GPM6A: variants seen among roughly 807,000 people sequenced by gnomAD.
The protein encoded by GPM6A is glycoprotein M6A.
In GPM6A, 7 loss-of-function variants were observed where a neutral mutation model predicts 32.1. That is an observed-to-expected ratio of 0.22 (90% CI 0.12 to 0.41). The LOEUF is 0.41. Among genes scored for constraint, GPM6A ranks in the 10% least tolerant of loss-of-function variants. The pLI is 1.00. For synonymous variants in GPM6A, 130 were observed against 123.4 expected (o/e 1.05, Z -0.35); for missense variants, 235 against 347.2 (o/e 0.68, Z 2.57).
chr4:175,900,509 C>A (rs1453018921), intron 1 of GPM6A, among the ~76,000 whole-genome samples: 4 of 134,336 alleles, frequency 3.0e-5, no homozygotes, highest in Non-Finnish European at 6.5e-5. Flanking sequence ...AAAAAAAAAG[C>A]ATATGAAAAA....
intron 2 of GPM6A, among the ~76,000 whole-genome samples, chr4:175,680,174 C>T (rs909939862): frequency 1.3e-5 from 2 of 152,036 alleles, no homozygotes; most frequent in Non-Finnish European, 2.9e-5. Context: ...TATACATGTG[C>T]ACATGTAACT....
intron 1 of GPM6A, among the ~76,000 whole-genome samples, chr4:175,873,078 G>A (rs776731573): frequency 2.6e-4 from 39 of 151,998 alleles, no homozygotes; most frequent in Non-Finnish European, 4.3e-4. Flanking sequence ...GTCTGTGTGT[G>A]TTTTAGCTAT....
chr4:175,795,907 C>G (rs962589676), intron 1 of GPM6A: 1 of 152,380 alleles, frequency 6.6e-6, no homozygotes, highest in Non-Finnish European at 1.5e-5. Flanking sequence ...TGGTACAGGA[C>G]CAGGCCTGCA....
chr4:175,702,307 A>C (rs960279916), intron 1 of GPM6A, among the ~76,000 whole-genome samples: 5 of 152,156 alleles, frequency 3.3e-5, no homozygotes, highest in African/African-American at 1.2e-4. Flanking sequence ...TAAAATATTT[A>C]TGTTTTCTTT....
intron 1 of GPM6A, among the ~76,000 whole-genome samples, chr4:175,888,993 T>A (rs1005585915): frequency 2.2e-4 from 33 of 152,292 alleles, no homozygotes; most frequent in African/African-American, 7.2e-4. Context: ...AATAGATCCC[T>A]GTAGTTATAA....
chr4:175,641,656 T>C (rs1173778411), intron 4 of GPM6A: 1 of 152,220 alleles, frequency 6.6e-6, no homozygotes, highest in Non-Finnish European at 1.5e-5. Context: ...TTCTGCTCTT[T>C]AGTTGTTTTT....
chr4:175,783,621 A>C (rs759839716), intron 1 of GPM6A, among the ~76,000 whole-genome samples: 1 of 151,996 alleles, frequency 6.6e-6, no homozygotes, highest in Non-Finnish European at 1.5e-5. Flanking sequence ...AGTAAATGGA[A>C]TAAATGAATT....
intron 1 of GPM6A, among the ~76,000 whole-genome samples, chr4:175,799,148 G>C (rs1407591876): frequency 6.6e-6 from 1 of 151,916 alleles, no homozygotes; most frequent in Non-Finnish European, 1.5e-5. Flanking sequence ...TTCCAATCTT[G>C]TTTTCCTGCC....
chr4:175,685,975 C>T (rs1231657604), intron 2 of GPM6A, among the ~76,000 whole-genome samples: 1 of 151,958 alleles, frequency 6.6e-6, no homozygotes, highest in Non-Finnish European at 1.5e-5. Flanking sequence ...CAGGAATAGG[C>T]TTAGAAATAT....
chr4:175,643,380 C>T (rs1176898007), intron 4 of GPM6A, among the ~76,000 whole-genome samples: 1 of 152,146 alleles, frequency 6.6e-6, no homozygotes, highest in African/African-American at 2.4e-5. Flanking sequence ...TCATAGACTT[C>T]ATCTCAGTCT....
intron 3 of GPM6A, among the ~76,000 whole-genome samples, chr4:175,656,149 C>T (rs1008604595): frequency 2.6e-5 from 4 of 151,978 alleles, no homozygotes; most frequent in South Asian, 2.1e-4. Flanking sequence ...TAGTAAAATG[C>T]TGACTAAATC....
In GPM6A at chr4:175,936,890, CAAA is replaced by C. The variant is rs1040228229; in HGVS notation, c.-23+65416_-23+65418del. On this transcript the variant is annotated intron_variant, in intron 1 of 7. Coordinates refer to the GPM6A transcript ENST00000280187. ...TAATAAAATAAGGAAACAATATAAA[CAAA>C]GAAGTCACAAAAAATAAAAATGTCC... Among the ~76,000 whole-genome samples the C allele has an allele frequency of 3.0e-3, 460 of 151,890 alleles. 5 individuals carry two copies. The highest frequency in any genetic ancestry group is 0.011 in the African/African-American group (449 of 41,446).
At position 175,802,487 on chromosome 4, in the gene GPM6A, A is replaced by G. The variant is rs953700640; in HGVS notation, c.37+9704T>C. Among the ~76,000 whole-genome samples, 3 of 152,130 alleles carry G rather than the reference A, an allele frequency of 2.0e-5. No homozygotes were observed. In the East Asian group the frequency reaches 5.8e-4, roughly 29 times the overall value. On this transcript the variant is annotated intron_variant, in intron 1 of 6. Transcript: ENST00000393658. ...GCCAATTGTGTGAGACTATATACCA[A>G]TTAAAATACAAAAACTAAAATAAAG...
In GPM6A at chr4:175,751,754, T is replaced by TTG. The variant is rs1553985553; in HGVS notation, c.38-49988_38-49987insCA. On this transcript the variant is annotated intron_variant, in intron 1 of 6. Transcript: ENST00000393658. ...GTCACACGATGCACCTGTTTTTTTT[T>TTG]TTGTTGTTGTTGTTTGTTTTTTGGT... Among the ~76,000 whole-genome samples the TTG allele has an allele frequency of 4.3e-3, 658 of 152,086 alleles. 3 individuals are homozygous for TTG. The highest frequency in any genetic ancestry group is 6.9e-3 in the Non-Finnish European group (467 of 67,960).
intron 1 of GPM6A, among the ~76,000 whole-genome samples, chr4:175,897,882 CTT>C (rs1483657716): frequency 1.3e-5 from 2 of 152,138 alleles, no homozygotes; most frequent in African/African-American, 4.8e-5. Flanking sequence ...TAAAAATTGA[CTT>C]TACTTAAATT....
intron 1 of GPM6A, among the ~76,000 whole-genome samples, chr4:175,728,256 C>A (rs1385231086): frequency 2.6e-5 from 4 of 151,904 alleles, no homozygotes; most frequent in African/African-American, 9.7e-5. Context: ...CAAAGAGAAA[C>A]AATGAAGTCT....
intron 2 of GPM6A, among the ~76,000 whole-genome samples, chr4:175,676,609 G>T (rs1211037634): frequency 6.6e-6 from 1 of 152,112 alleles, no homozygotes; most frequent in Non-Finnish European, 1.5e-5. Flanking sequence ...AGACAGTCTT[G>T]CTGGCAGAAG....
intron 1 of GPM6A, among the ~76,000 whole-genome samples, chr4:175,850,308 G>A (rs1243286100): frequency 2.0e-5 from 3 of 152,106 alleles, no homozygotes; most frequent in Admixed American, 2.0e-4. Flanking sequence ...TGTGACAAGG[G>A]AGTAACAATG....
intron 1 of GPM6A, among the ~76,000 whole-genome samples, chr4:175,742,821 C>T (rs1046086571): frequency 9.9e-5 from 15 of 151,906 alleles, no homozygotes; most frequent in African/African-American, 2.2e-4. Flanking sequence ...AGAATACGAA[C>T]GATGAAAGTC....
Sources: allele counts gnomAD v4.1 joint callset (sites outside exome capture counted in the v4.1 genomes callset), GRCh38; gene constraint gnomAD v4.1.1; transcripts MANE v1.5; gene names NCBI Gene and HGNC (gene_info 2026-07-23, HGNC 2026-07-21).